The following SH3YL1 variants were observed in gnomAD, a reference collection of about 807,000 sequenced individuals.
The protein encoded by SH3YL1 is SH3 and SYLF domain containing 1.
In SH3YL1, 41 loss-of-function variants were observed where a neutral mutation model predicts 45.8. That is an observed-to-expected ratio of 0.89 (90% CI 0.70 to 1.16). The LOEUF is 1.16. Among genes scored for constraint, SH3YL1 ranks in the 50% most tolerant of loss-of-function variants. The probability of loss-of-function intolerance (pLI) is 0.00; values close to 1 mark genes in which losing one functional copy is unlikely to be tolerated. For synonymous variants in SH3YL1, 152 were observed against 151.4 expected (o/e 1.00, Z -0.03); for missense variants, 389 against 409.6 (o/e 0.95, Z 0.43).
chr2:243,493 C>G lies in SH3YL1; in HGVS notation c.291+4045G>C, dbSNP rs763947255. 3.5e-4 allele frequency: 527 copies of G among 1,514,210 alleles called. 2 individuals are homozygous for G. Among genetic ancestry groups the G allele is most frequent in the Admixed American group, 1.9e-3 (84 of 43,780 alleles). The allele number at this position is 1,514,210 out of a possible 1,614,324, so 93.8% of individuals were successfully genotyped here. A position where few individuals can be genotyped will look rare whatever the true frequency, so the allele number is the denominator to read the frequency against. ...ATTTTGAGATTAAGGAAAATGAAGACACAACATACCCACACTTATGGAAGG... is the reference window on the plus strand; with the variant it reads ...ATTTTGAGATTAAGGAAAATGAAGAGACAACATACCCACACTTATGGAAGG... On this transcript the variant is annotated intron_variant, in intron 4 of 9. Transcript: ENST00000356150.
chr2:247,089 T>A (rs1361142436), intron 4 of SH3YL1, among the ~76,000 whole-genome samples: 1 of 152,184 alleles, frequency 6.6e-6, no homozygotes, highest in Non-Finnish European at 1.5e-5. Flanking sequence ...TAAACTGAAA[T>A]AACGTGAAGT....
chr2:245,816 C>A (rs1246804499), intron 4 of SH3YL1, among the ~76,000 whole-genome samples: 3 of 152,042 alleles, frequency 2.0e-5, no homozygotes, highest in Non-Finnish European at 4.4e-5. Flanking sequence ...GTGCAGCGCA[C>A]CAGTCTTGAG....
chr2:264,293 C>A (rs567999477), upstream of SH3YL1: 22 of 359,280 alleles, frequency 6.1e-5, no homozygotes, highest in Non-Finnish European at 1.1e-4. Flanking sequence ...AGGCCCAAGG[C>A]CGCCCTGGTC....
chr2:242,898 A>AACAGGGACATATTAAT, intron 4 of SH3YL1: 1 of 1,411,730 alleles, frequency 7.1e-7, no homozygotes, highest in Non-Finnish European at 9.4e-7. Flanking sequence ...AAAAAATGTA[A>AACAGGGACATATTAAT]TTAGGATTAA....
At chr2:248,432 C>T (rs1396443690) in intron 3 of SH3YL1, among the ~76,000 whole-genome samples, 1 of 152,050 alleles carries the variant, frequency 6.6e-6, no homozygotes, top group Admixed American at 6.6e-5. Flanking sequence ...TTTTTCGTTC[C>T]CTATGTTAGG....
intron 1 of SH3YL1, chr2:260,495 T>C (rs1011565853): frequency 1.3e-5 from 2 of 152,186 alleles, no homozygotes; most frequent in Non-Finnish European, 2.9e-5. Context: ...GGGGGACTTG[T>C]ATAGGAGCTG....
intron 1 of SH3YL1, chr2:262,868 G>GT (rs1249538147): frequency 2.0e-5 from 9 of 439,304 alleles, no homozygotes; most frequent in African/African-American, 4.1e-5. Flanking sequence ...AAGATGAGGG[G>GT]TAACATTTAC....
intron 1 of SH3YL1, among the ~76,000 whole-genome samples, chr2:256,893 T>C (rs1669357836): frequency 6.6e-6 from 1 of 152,074 alleles, no homozygotes; most frequent in African/African-American, 2.4e-5. Flanking sequence ...ACACTTGCAA[T>C]GTCCAGTTTT....
chr2:255,567 A>ATGG (rs1669281770), intron 1 of SH3YL1, among the ~76,000 whole-genome samples: 1 of 152,244 alleles, frequency 6.6e-6, no homozygotes, highest in Non-Finnish European at 1.5e-5. Flanking sequence ...ACTGCACTCC[A>ATGG]GCCTGGGCAA....
chr2:223,172 G>C (rs1034970641), intron 9 of SH3YL1, among the ~76,000 whole-genome samples: 1 of 152,148 alleles, frequency 6.6e-6, no homozygotes, highest in South Asian at 2.1e-4. Context: ...TTCCCTTTGG[G>C]TCCCACAGCT....
At chr2:221,825 C>T (rs1558231636) in intron 9 of SH3YL1, among the ~76,000 whole-genome samples, 1 of 152,200 alleles carries the variant, frequency 6.6e-6, no homozygotes, top group Non-Finnish European at 1.5e-5. Flanking sequence ...ATCCAGGAGC[C>T]TATCTGCTTT....
chr2:260,295 GTTCT>G (rs1669535396), intron 1 of SH3YL1: 2 of 152,296 alleles, frequency 1.3e-5, no homozygotes, highest in South Asian at 4.1e-4. Context: ...GTGGAAACTT[GTTCT>G]TTCTGCTGCT....
In SH3YL1 at chr2:247,604, T is replaced by C. The variant is rs1668882808; in HGVS notation, c.227-2A>G. 6.5e-7 allele frequency: 1 copy of C among 1,548,836 alleles called. No homozygotes were observed. Among genetic ancestry groups the C allele is most frequent in the Admixed American group, 2.0e-5 (1 of 50,218 alleles). On this transcript the variant is annotated splice_acceptor_variant, in intron 3 of 9. Transcript: ENST00000356150. LOFTEE classifies it high-confidence loss of function. ...CAATGGCTGAGGGTGCAGACCATTC[T>C]AATAAAAAAACAAACGAACGTTATC... is the stretch of plus-strand genomic sequence containing the variant.
intron 6 of SH3YL1, among the ~76,000 whole-genome samples, chr2:231,432 T>C (rs577545744): frequency 1.3e-5 from 2 of 152,304 alleles, no homozygotes; most frequent in South Asian, 4.1e-4. Flanking sequence ...TCTTTATTAA[T>C]ATAAAAAGCA....
intron 4 of SH3YL1, among the ~76,000 whole-genome samples, chr2:236,207 T>TCAGGGGAGGCAGCAGCATGGGC (rs1558240384): frequency 8.8e-4 from 27 of 30,770 alleles, no homozygotes; most frequent in African/African-American, 2.8e-3. Context: ...GCAGCATGGG[T>TCAGGGGAGGCAGCAGCATGGGC]CAGGGGAGGC....
chr2:237,965 A>T (rs1288793541), intron 4 of SH3YL1, among the ~76,000 whole-genome samples: 1 of 152,146 alleles, frequency 6.6e-6, no homozygotes, highest in Non-Finnish European at 1.5e-5. Context: ...TCTGCGACTG[A>T]ATTTCCTGAA....
intron 6 of SH3YL1, among the ~76,000 whole-genome samples, chr2:231,832 T>A (rs1668059992): frequency 6.6e-6 from 1 of 152,230 alleles, no homozygotes; most frequent in Non-Finnish European, 1.5e-5. Context: ...TTTGATTTTA[T>A]AAGATGAATA....
At position 247,742 on chromosome 2, in the gene SH3YL1, T is replaced by C; in HGVS notation, c.227-140A>G. ...GGTATTTCCCCTGATTTTAAAGTGA[T>C]CTTCAAAAAGAATATGTAATTTTTA... is the stretch of plus-strand genomic sequence containing the variant. On this transcript the variant is annotated intron_variant, in intron 3 of 9. Transcript: ENST00000356150. 1.1e-5 allele frequency: 7 copies of C among 629,916 alleles called. No homozygotes were observed. In the South Asian group the frequency reaches 1.4e-4, roughly 13 times the overall value. 39.0% of individuals were successfully genotyped at this position (629,916 alleles called of 1,614,324 possible).
intron 1 of SH3YL1, chr2:260,510 A>C (rs1001996534): frequency 6.6e-6 from 1 of 152,176 alleles, no homozygotes; most frequent in African/African-American, 2.4e-5. Flanking sequence ...GAGCTGCCAG[A>C]ATAACTTTTT....
Sources: gnomAD v4.1 joint callset for allele counts (sites outside exome capture counted in the v4.1 genomes callset) on GRCh38, gnomAD v4.1.1 for gene constraint, MANE v1.5 for transcripts, NCBI Gene and HGNC (gene_info 2026-07-23, HGNC 2026-07-21) for gene names.